Variants in BRAF observed in about 807,000 individuals in gnomAD.
BRAF encodes serine/threonine-protein kinase B-raf.
A neutral mutation model predicts 104.6 loss-of-function variants in BRAF; 16 were observed. The observed-to-expected ratio is 0.15, with a 90% CI of 0.10 to 0.23. The LOEUF is 0.23. Among genes scored for constraint, BRAF ranks in the 10% least tolerant of loss-of-function variants. The pLI, the probability that BRAF is intolerant of heterozygous loss-of-function variation, is 1.00. For synonymous variants in BRAF, 310 were observed against 341.6 expected (o/e 0.91, Z 1.02); for missense variants, 541 against 937.3 (o/e 0.58, Z 5.52).
At chr7:140,879,990 C>T (rs1015367740) in intron 1 of BRAF, among the ~76,000 whole-genome samples, 1 of 152,106 alleles carries the variant, frequency 6.6e-6, no homozygotes, top group South Asian at 2.1e-4. Context: ...CCTTGGTCTC[C>T]CAAAGTGCTG....
At chr7:140,909,201 A>G (rs1586623910) in intron 1 of BRAF, among the ~76,000 whole-genome samples, 1 of 152,118 alleles carries the variant, frequency 6.6e-6, no homozygotes, top group South Asian at 2.1e-4. Context: ...CGAGGCGGGC[A>G]GATCACCTGA....
chr7:140,803,533 A>C (rs970694415), intron 5 of BRAF, among the ~76,000 whole-genome samples: 2 of 152,256 alleles, frequency 1.3e-5, no homozygotes, highest in Non-Finnish European at 2.9e-5. Context: ...ACTAAAAAAA[A>C]TAAGAAACAG....
intron 16 of BRAF, among the ~76,000 whole-genome samples, chr7:140,750,919 C>A (rs1305614546): frequency 1.3e-5 from 2 of 152,130 alleles, no homozygotes; most frequent in Admixed American, 1.3e-4. Context: ...AAAACTCTCA[C>A]AAAGGTTTCT....
At position 140,786,475 on chromosome 7, in the gene BRAF, G is replaced by A. The variant is rs147309367; in HGVS notation, c.1178-667C>T. Among the ~76,000 whole-genome samples, 578 of 152,286 alleles carry A rather than the reference G, an allele frequency of 3.8e-3. 4 individuals are homozygous for A. Among genetic ancestry groups the A allele is most frequent in the Middle Eastern group, 0.017 (5 of 294 alleles). On this transcript the variant is annotated intron_variant, in intron 9 of 19. Transcript: ENST00000644969. ...GGTAAGTGTAAAGGACCTCCTGGAA[G>A]AACACTTCAAGACAGTCTCAAATAT...
intron 9 of BRAF, 138 bp downstream of exon 9, chr7:140,787,410 A>G: frequency 1.2e-6 from 1 of 813,864 alleles, no homozygotes; most frequent in Admixed American, 2.3e-5. Context: ...AACACTACAG[A>G]AAAACAAAAA....
chr7:140,750,992 A>G (rs1280335296), intron 16 of BRAF, among the ~76,000 whole-genome samples: 1 of 152,202 alleles, frequency 6.6e-6, no homozygotes, highest in Non-Finnish European at 1.5e-5. Context: ...TCAAAGGACC[A>G]CACAGCCTTA....
At chr7:140,814,831 T>C (rs1030885625) in intron 3 of BRAF, among the ~76,000 whole-genome samples, 1 of 131,040 alleles carries the variant, frequency 7.6e-6, no homozygotes, top group African/African-American at 3.8e-5. Context: ...TTTATATATA[T>C]TATATATATA....
rs144799223 is a variant in BRAF, at chr7:140,738,915, T to A, written c.2247+897A>T. 4.3e-3 allele frequency among the ~76,000 whole-genome samples: 659 copies of A among 152,090 alleles called. 2 individuals are homozygous for A. The highest frequency in any genetic ancestry group is 0.015 in the African/African-American group (634 of 41,450). ...TGTAAGCCACGACACCTGGCCTTAG[T>A]TACAGTTCTTTTTGAAATTTGTTAA... On this transcript the variant is annotated intron_variant, in intron 18 of 19. Coordinates refer to ENST00000644969, the MANE Select transcript of BRAF (RefSeq NM_001374258.1).
At chr7:140,809,411 C>A (rs1257503805) in intron 3 of BRAF, among the ~76,000 whole-genome samples, 1 of 152,134 alleles carries the variant, frequency 6.6e-6, no homozygotes, top group Non-Finnish European at 1.5e-5. Flanking sequence ...CCTTAAGAGA[C>A]CTCTTACTGG....
chr7:140,923,100 A>G (rs144254156), intron 1 of BRAF, among the ~76,000 whole-genome samples: 9 of 152,336 alleles, frequency 5.9e-5, no homozygotes, highest in Admixed American at 4.6e-4. Context: ...GCATGTAACA[A>G]AGATGATATA....
Position 140,850,227 on chromosome 7 carries a change from A to T in BRAF, c.139-15T>A, listed in dbSNP as rs756169913. The T allele has an allele frequency of 6.5e-7, 1 of 1,542,496 alleles. No individual in the cohort carries two copies. The highest frequency in any genetic ancestry group is 1.7e-5 in the Admixed American group (1 of 59,832). Reference sequence around the variant, plus strand: ...ATATTCCACACCTAAAAAATATTTCAAAAGAATTTAAATAAAAATCACTTA... The same window carrying T: ...ATATTCCACACCTAAAAAATATTTCTAAAGAATTTAAATAAAAATCACTTA... On this transcript the variant is annotated splice_polypyrimidine_tract_variant and intron_variant, in intron 1 of 19. Coordinates refer to ENST00000644969, the MANE Select transcript of BRAF (RefSeq NM_001374258.1).
At chr7:140,908,116 T>C (rs1225819014) in intron 1 of BRAF, among the ~76,000 whole-genome samples, 1 of 152,250 alleles carries the variant, frequency 6.6e-6, no homozygotes, top group African/African-American at 2.4e-5. Flanking sequence ...AGTGATTGTT[T>C]TAAATCCATC....
At chr7:140,836,932 TAATGA>T (rs1807403435) in intron 2 of BRAF, among the ~76,000 whole-genome samples, 2 of 152,174 alleles carry the variant, frequency 1.3e-5, no homozygotes, top group Non-Finnish European at 2.9e-5. Context: ...TTAGGAAAAG[TAATGA>T]AAAGAACAAT....
At chr7:140,870,047 T>C (rs979502524) in intron 1 of BRAF, among the ~76,000 whole-genome samples, 1 of 152,176 alleles carries the variant, frequency 6.6e-6, no homozygotes, top group African/African-American at 2.4e-5. Flanking sequence ...CATCATTGCA[T>C]GTAGATCACA....
intron 14 of BRAF, among the ~76,000 whole-genome samples, chr7:140,769,766 G>A (rs1012035995): frequency 6.6e-6 from 1 of 151,716 alleles, no homozygotes; most frequent in Non-Finnish European, 1.5e-5. Context: ...ATAGAGTCAG[G>A]GTCGCACAGT....
chr7:140,777,124 C>A (rs201647306), intron 13 of BRAF, 36 bp from the exon 13 acceptor site: 34 of 1,604,074 alleles, frequency 2.1e-5, no homozygotes, highest in Non-Finnish European at 2.6e-5. Context: ...CATTAAATGT[C>A]GACAAACTTT....
intron 14 of BRAF, among the ~76,000 whole-genome samples, chr7:140,756,250 G>A (rs1798198542): frequency 6.6e-6 from 1 of 152,124 alleles, no homozygotes; most frequent in Non-Finnish European, 1.5e-5. Context: ...CTTTATACCT[G>A]TGTAATCCTT....
Position 140,723,136 on chromosome 7 carries a change from G to A in BRAF, c.*3358C>T. On this transcript the variant is annotated 3_prime_UTR_variant, in exon 20 of 20. Transcript: ENST00000644969. ...AATGTGGTTTCGAACTAAAGCTAGA[G>A]ATGAGGTTTGCAAGCAGCTGGCGGG... 9.5e-7 allele frequency: 1 copy of A among 1,052,398 alleles called. No homozygotes were observed. Among genetic ancestry groups the A allele is most frequent in the Non-Finnish European group, 1.1e-6 (1 of 871,272 alleles). 65.2% of individuals were successfully genotyped at this position (1,052,398 alleles called of 1,614,324 possible). A position where few individuals can be genotyped will look rare whatever the true frequency, so the allele number is the denominator to read the frequency against.
intron 3 of BRAF, among the ~76,000 whole-genome samples, chr7:140,813,779 T>C (rs1313300250): frequency 1.3e-5 from 2 of 152,176 alleles, no homozygotes; most frequent in Non-Finnish European, 2.9e-5. Context: ...ATGTATCTTA[T>C]GTATGAAGAG....
Sources: gnomAD v4.1 joint callset for allele counts (sites outside exome capture counted in the v4.1 genomes callset) on GRCh38, gnomAD v4.1.1 for gene constraint, MANE v1.5 for transcripts, NCBI Gene and HGNC (gene_info 2026-07-23, HGNC 2026-07-21) for gene names.